Variants in UNC13C observed in about 807,000 individuals in gnomAD.
The protein encoded by UNC13C is unc-13 homolog C.
UNC13C carries 174 observed loss-of-function variants against 245.4 expected under a neutral mutation model. The ratio of observed to expected loss-of-function variants is 0.71; its 90% confidence interval spans 0.63 to 0.80. UNC13C has a LOEUF of 0.80. Ranked by LOEUF, UNC13C falls within the 30% of genes least tolerant of loss-of-function variation. The pLI is 0.00. For missense variants in UNC13C, 2,829 were observed against 2,602.9 expected, an observed-to-expected ratio of 1.09 and a Z score of -1.89; for synonymous variants, 992 against 895.1, an observed-to-expected ratio of 1.11 and a Z score of -1.93.
intron 4 of UNC13C, among the ~76,000 whole-genome samples, chr15:54,199,102 G>A (rs141045077): frequency 6.8e-4 from 104 of 152,042 alleles, no homozygotes; most frequent in Non-Finnish European, 1.1e-3. Flanking sequence ...TTCAGAGCTC[G>A]AAGACAGGCT....
chr15:54,180,988 T>C (rs951962265), intron 4 of UNC13C, among the ~76,000 whole-genome samples: 1 of 152,076 alleles, frequency 6.6e-6, no homozygotes, highest in Non-Finnish European at 1.5e-5. Context: ...CAGACTCTCT[T>C]TAGTTTAATT....
chr15:54,225,521 T>C (rs1049688599), intron 4 of UNC13C, among the ~76,000 whole-genome samples: 1 of 152,200 alleles, frequency 6.6e-6, no homozygotes, highest in Non-Finnish European at 1.5e-5. Flanking sequence ...GAAGAGGCCC[T>C]TCACTCCTTG....
the UNC13C span, among the ~76,000 whole-genome samples, chr15:53,910,556 A>T: frequency 2.1e-5 from 3 of 146,310 alleles, 1 homozygote; most frequent in Non-Finnish European, 4.6e-5. Context: ...CGCCCAGAGA[A>T]AGAGAGAGTC....
chr15:53,889,912 C>T, the UNC13C span, among the ~76,000 whole-genome samples: 18 of 152,106 alleles, frequency 1.2e-4, no homozygotes, highest in African/African-American at 3.4e-4. Flanking sequence ...CCAACTTGAT[C>T]GTGGTGGATA....
chr15:54,567,649 A>T, intron 29 of UNC13C, 151 bp from the exon 30 acceptor site: 1 of 631,816 alleles, frequency 1.6e-6, no homozygotes, highest in Non-Finnish European at 2.5e-6. Context: ...AGACGTTAAT[A>T]ACTTAGCAAT....
chr15:54,093,109 A>G (rs1321250711), intron 2 of UNC13C, among the ~76,000 whole-genome samples: 4 of 152,032 alleles, frequency 2.6e-5, no homozygotes, highest in Non-Finnish European at 5.9e-5. Context: ...ATTCTTGCTT[A>G]TAAGTCCTAC....
At chr15:54,159,630 A>G (rs769747608) in intron 4 of UNC13C, among the ~76,000 whole-genome samples, 5 of 152,230 alleles carry the variant, frequency 3.3e-5, no homozygotes, top group Non-Finnish European at 7.3e-5. Context: ...TACTTCTGGC[A>G]TGAAGAAACA....
the UNC13C span, among the ~76,000 whole-genome samples, chr15:53,921,987 T>G: frequency 1.8e-4 from 28 of 152,200 alleles, no homozygotes; most frequent in Non-Finnish European, 1.5e-5. Context: ...GACTAGGATT[T>G]CAAAAGTATA....
At chr15:54,089,230 A>G (rs1013476381) in intron 2 of UNC13C, among the ~76,000 whole-genome samples, 2 of 152,156 alleles carry the variant, frequency 1.3e-5, no homozygotes, top group African/African-American at 4.8e-5. Flanking sequence ...CTCTCATGAA[A>G]ACTAAAAGCA....
At chr15:54,508,082 T>C (rs1293953671) in intron 23 of UNC13C, among the ~76,000 whole-genome samples, 1 of 152,036 alleles carries the variant, frequency 6.6e-6, no homozygotes, top group African/African-American at 2.4e-5. Context: ...TTTCCTTAAA[T>C]TAATATGCTG....
intron 2 of UNC13C, among the ~76,000 whole-genome samples, chr15:54,132,291 C>T (rs1193539232): frequency 1.3e-5 from 2 of 151,992 alleles, no homozygotes; most frequent in African/African-American, 2.4e-5. Flanking sequence ...AGGATGGTCT[C>T]GATCTCCTGA....
At chr15:54,008,296 A>G (rs1419694793) in intron 1 of UNC13C, among the ~76,000 whole-genome samples, 1 of 152,234 alleles carries the variant, frequency 6.6e-6, no homozygotes, top group Non-Finnish European at 1.5e-5. Context: ...CATGACCTTA[A>G]GCAAGTTTTC....
At chr15:53,938,261 A>AT in the UNC13C span, among the ~76,000 whole-genome samples, 3 of 152,236 alleles carry the variant, frequency 2.0e-5, no homozygotes, top group African/African-American at 7.2e-5. Flanking sequence ...ACCAATAAAG[A>AT]TAAAAAAAGA....
At chr15:53,999,247 A>G (rs1395896788) in intron 1 of UNC13C, among the ~76,000 whole-genome samples, 1 of 151,826 alleles carries the variant, frequency 6.6e-6, no homozygotes, top group African/African-American at 2.4e-5. Flanking sequence ...AAGATATTTG[A>G]TTACATATGT....
chr15:54,349,639 A>C (rs1013332141), intron 17 of UNC13C, among the ~76,000 whole-genome samples: 3 of 152,320 alleles, frequency 2.0e-5, no homozygotes, highest in Admixed American at 6.5e-5. Context: ...ATCAATTATA[A>C]ATTTAATGGT....
chr15:54,438,122 T>C (rs1458934889), intron 19 of UNC13C, among the ~76,000 whole-genome samples: 2 of 151,734 alleles, frequency 1.3e-5, no homozygotes, highest in Non-Finnish European at 2.9e-5. Flanking sequence ...GACTCATCTA[T>C]AGAAAAAAAA....
chr15:54,216,437 C>A (rs569516287), intron 4 of UNC13C, among the ~76,000 whole-genome samples: 46 of 151,940 alleles, frequency 3.0e-4, no homozygotes, highest in African/African-American at 1.1e-3. Flanking sequence ...ATAATTGGTT[C>A]TGGAATGGAT....
chr15:54,384,710 C>G (rs572610320), intron 17 of UNC13C, among the ~76,000 whole-genome samples: 1 of 152,148 alleles, frequency 6.6e-6, no homozygotes, highest in Non-Finnish European at 1.5e-5. Context: ...AAACACTCAA[C>G]AGAGTGAAGA....
intron 26 of UNC13C, among the ~76,000 whole-genome samples, chr15:54,542,655 A>C (rs1332947991): frequency 6.6e-6 from 1 of 152,120 alleles, no homozygotes; most frequent in Non-Finnish European, 1.5e-5. Context: ...TAGGTCTCTA[A>C]GAACTTGCTT....
Sources: allele counts gnomAD v4.1 joint callset (sites outside exome capture counted in the v4.1 genomes callset), GRCh38; gene constraint gnomAD v4.1.1; transcripts MANE v1.5; gene names NCBI Gene and HGNC (gene_info 2026-07-23, HGNC 2026-07-21).